AKAP19: variants seen among roughly 807,000 people sequenced by gnomAD.
The protein encoded by AKAP19 is A-kinase anchoring protein 19.
the AKAP19 span, among the ~76,000 whole-genome samples, chr2:189,932,494 A>G: frequency 2.0e-5 from 3 of 152,000 alleles, no homozygotes; most frequent in East Asian, 5.8e-4. Flanking sequence ...TCTAATATAT[A>G]TACCACATTT....
chr2:189,894,161 A>G, the AKAP19 span, among the ~76,000 whole-genome samples: 1 of 152,226 alleles, frequency 6.6e-6, no homozygotes, highest in Non-Finnish European at 1.5e-5. Flanking sequence ...TTTTAAAAAT[A>G]AAAATTAGTG....
At chr2:189,942,447 C>G in the AKAP19 span, among the ~76,000 whole-genome samples, 1 of 152,192 alleles carries the variant, frequency 6.6e-6, no homozygotes, top group Non-Finnish European at 1.5e-5. Flanking sequence ...ATAAATTACC[C>G]AGTCTCAGCT....
the AKAP19 span, among the ~76,000 whole-genome samples, chr2:190,190,795 T>A: frequency 1.3e-5 from 2 of 152,210 alleles, no homozygotes; most frequent in African/African-American, 4.8e-5. Flanking sequence ...TAACATACAG[T>A]AAAGCTGACT....
chr2:189,917,419 A>G, the AKAP19 span: 2 of 814,838 alleles, frequency 2.5e-6, no homozygotes, highest in African/African-American at 3.5e-5. Context: ...CTTCTTCTCA[A>G]AACCATGTCT....
At chr2:190,167,469 C>T in the AKAP19 span, among the ~76,000 whole-genome samples, 2 of 152,188 alleles carry the variant, frequency 1.3e-5, no homozygotes, top group Non-Finnish European at 2.9e-5. Flanking sequence ...GCCTTCCCAA[C>T]AGTCCCCTGG....
chr2:190,031,389 A>G, the AKAP19 span, among the ~76,000 whole-genome samples: 1 of 152,218 alleles, frequency 6.6e-6, no homozygotes, highest in Non-Finnish European at 1.5e-5. Context: ...TACAGCTAAC[A>G]TTTTATATCC....
At chr2:189,938,059 G>A in the AKAP19 span, among the ~76,000 whole-genome samples, 1 of 152,236 alleles carries the variant, frequency 6.6e-6, no homozygotes, top group East Asian at 1.9e-4. Context: ...ACTTAGGCCA[G>A]GTGCGGTGGC....
the AKAP19 span, among the ~76,000 whole-genome samples, chr2:189,944,410 C>T: frequency 6.6e-5 from 10 of 152,136 alleles, no homozygotes; most frequent in African/African-American, 1.9e-4. Context: ...AGAAGCTGAA[C>T]GGATGTCAAC....
the AKAP19 span, among the ~76,000 whole-genome samples, chr2:189,985,290 T>C: frequency 2.0e-5 from 3 of 152,214 alleles, no homozygotes; most frequent in African/African-American, 7.2e-5. Flanking sequence ...GAGCTTTTTT[T>C]TCTGAGGAGA....
the AKAP19 span, among the ~76,000 whole-genome samples, chr2:189,901,213 GT>G: frequency 2.0e-5 from 3 of 151,658 alleles, no homozygotes; most frequent in Non-Finnish European, 2.9e-5. Context: ...ATGTTTTGGG[GT>G]TTTTGTGTCA....
chr2:189,952,029 T>C, the AKAP19 span, among the ~76,000 whole-genome samples: 1 of 152,156 alleles, frequency 6.6e-6, no homozygotes, highest in Non-Finnish European at 1.5e-5. Context: ...CTTCCACTGG[T>C]TTCCCCCATA....
the AKAP19 span, among the ~76,000 whole-genome samples, chr2:189,941,557 TATAAA>T: frequency 1.3e-5 from 2 of 152,180 alleles, no homozygotes; most frequent in African/African-American, 2.4e-5. Context: ...CCAAAGTAAA[TATAAA>T]ATAAAATAAC....
the AKAP19 span, among the ~76,000 whole-genome samples, chr2:190,171,987 T>TAA: frequency 6.6e-6 from 1 of 152,202 alleles, no homozygotes; most frequent in Admixed American, 6.5e-5. Context: ...TTTTACAATT[T>TAA]AAGAATTTTC....
the AKAP19 span, among the ~76,000 whole-genome samples, chr2:190,033,730 T>C: frequency 6.6e-6 from 1 of 152,230 alleles, no homozygotes; most frequent in East Asian, 1.9e-4. Flanking sequence ...TCTACCTTAA[T>C]AGCTTTGGTA....
At chr2:189,963,258 G>A in the AKAP19 span, among the ~76,000 whole-genome samples, 6 of 146,846 alleles carry the variant, frequency 4.1e-5, no homozygotes, top group East Asian at 4.0e-4. Context: ...CAGTGGCCGC[G>A]ATCTCCACTC....
the AKAP19 span, among the ~76,000 whole-genome samples, chr2:189,918,885 TG>T: frequency 6.6e-6 from 1 of 152,158 alleles, no homozygotes; most frequent in African/African-American, 2.4e-5. Context: ...TTATGTTAAG[TG>T]AAAGAACCCA....
the AKAP19 span, among the ~76,000 whole-genome samples, chr2:189,901,462 C>T: frequency 2.0e-5 from 3 of 152,036 alleles, no homozygotes; most frequent in Admixed American, 6.5e-5. Flanking sequence ...CTCAGCCTCC[C>T]GAGTAGCTGG....
chr2:189,941,721 A>G, the AKAP19 span, among the ~76,000 whole-genome samples: 1 of 152,228 alleles, frequency 6.6e-6, no homozygotes, highest in Non-Finnish European at 1.5e-5. Flanking sequence ...AGAAGGAAAA[A>G]TCACTTAACC....
At chr2:190,127,362 C>T in the AKAP19 span, among the ~76,000 whole-genome samples, 25 of 151,920 alleles carry the variant, frequency 1.6e-4, 1 homozygote, top group African/African-American at 6.0e-4. Context: ...AGTTTTTCCT[C>T]CTCCAACCGC....
Sources: gnomAD v4.1 joint callset for allele counts (sites outside exome capture counted in the v4.1 genomes callset) on GRCh38, gnomAD v4.1.1 for gene constraint, MANE v1.5 for transcripts, NCBI Gene and HGNC (gene_info 2026-07-23, HGNC 2026-07-21) for gene names.